SLC30A9: variants seen among roughly 807,000 people sequenced by gnomAD.
SLC30A9 encodes the protein solute carrier family 30 member 9.
Under a neutral mutation model 87.5 loss-of-function variants are expected in SLC30A9, and 58 were observed. The ratio of observed to expected loss-of-function variants is 0.66; its 90% confidence interval spans 0.54 to 0.82. The LOEUF (loss-of-function observed/expected upper bound fraction) is 0.82, where lower values mean the gene tolerates loss of function less well. Among genes scored for constraint, SLC30A9 ranks in the 40% least tolerant of loss-of-function variants. The pLI is 0.00. For missense variants in SLC30A9, 557 were observed against 679.1 expected (o/e 0.82, Z 2.00); for synonymous variants, 234 against 233.0 (o/e 1.00, Z -0.04).
chr4:42,003,695 A>G (rs773800109), intron 2 of SLC30A9, among the ~76,000 whole-genome samples: 1 of 152,148 alleles, frequency 6.6e-6, no homozygotes, highest in Non-Finnish European at 1.5e-5. Context: ...AATCACTGAT[A>G]TAGTTAAACA....
chr4:42,026,935 C>G (rs1716217461), intron 6 of SLC30A9, among the ~76,000 whole-genome samples: 1 of 152,022 alleles, frequency 6.6e-6, no homozygotes, highest in South Asian at 2.1e-4. Context: ...TCTAAATTTA[C>G]CTATTAATTC....
At chr4:42,004,812 C>A (rs76928224) in intron 2 of SLC30A9, among the ~76,000 whole-genome samples, 1 of 151,588 alleles carries the variant, frequency 6.6e-6, no homozygotes, top group African/African-American at 2.4e-5. Context: ...CTGCCACGCC[C>A]AGCTAATTTA....
chr4:42,013,976 T>A (rs137994371), intron 2 of SLC30A9, among the ~76,000 whole-genome samples: 25 of 152,270 alleles, frequency 1.6e-4, no homozygotes, highest in African/African-American at 5.3e-4. Flanking sequence ...TGGGAGAAAG[T>A]ATTTGCAAAC....
chr4:42,035,195 C>A (rs1716626886), intron 6 of SLC30A9, 80 bp from the exon 7 acceptor site: 1 of 1,406,796 alleles, frequency 7.1e-7, no homozygotes, highest in South Asian at 1.2e-5. Flanking sequence ...TTAACATAGT[C>A]CTGAAGAGAA....
At chr4:42,082,074 G>A (rs964666000) in intron 17 of SLC30A9, among the ~76,000 whole-genome samples, 1 of 151,906 alleles carries the variant, frequency 6.6e-6, no homozygotes, top group Non-Finnish European at 1.5e-5. Flanking sequence ...AATATTAGCC[G>A]GGCGTGGTGG....
chr4:42,018,315 G>T (rs1715804952), intron 3 of SLC30A9, 145 bp downstream of exon 3: 16 of 798,928 alleles, frequency 2.0e-5, no homozygotes, highest in Non-Finnish European at 2.5e-5. Flanking sequence ...TGACCATAAG[G>T]ATTTATTCTC....
intron 2 of SLC30A9, among the ~76,000 whole-genome samples, chr4:42,012,304 G>A (rs888566376): frequency 6.6e-6 from 1 of 152,170 alleles, no homozygotes; most frequent in African/African-American, 2.4e-5. Context: ...AGAAAGCAAA[G>A]ATGGGGGAGT....
chr4:42,022,870 G>A lies in SLC30A9; in HGVS notation c.467G>A (p.Arg156Gln). 5 of 1,600,942 alleles carry A rather than the reference G, an allele frequency of 3.1e-6. No homozygotes were observed. The highest frequency in any genetic ancestry group is 4.3e-6 in the Non-Finnish European group (5 of 1,172,114). ...GAACAACTTCGAAAAATCAGACGAC[G>A]AAGTCCCCATGAAGATACTGAGTCT... The part of the protein sequence containing the change: ...DLEQLRKIRR[R>Q]SPHEDTESFT... Residue 156 changes from arginine to glutamine, a missense_variant, in exon 5 of 18, where the codon CGA becomes CAA. Coordinates refer to ENST00000264451, the MANE Select transcript of SLC30A9 (RefSeq NM_006345.4).
intron 8 of SLC30A9, among the ~76,000 whole-genome samples, chr4:42,041,828 G>A (rs926428918): frequency 6.6e-6 from 1 of 152,200 alleles, no homozygotes; most frequent in African/African-American, 2.4e-5. Context: ...TGCAGAAGGT[G>A]GATAACTTCT....
chr4:42,029,603 C>G (rs1436976880), intron 6 of SLC30A9: 1 of 704,606 alleles, frequency 1.4e-6, no homozygotes, highest in Non-Finnish European at 2.6e-6. Flanking sequence ...GACAATGTGC[C>G]CAGTGAACCC....
rs1714387373 is a variant in SLC30A9, at chr4:41,990,675, C to G, written c.24C>G (p.Ala8=). Residue 8 remains alanine, a synonymous_variant, in exon 1 of 18, where the codon GCC becomes GCG. Transcript: ENST00000264451. MLPGLAA[A]AAHRCSWSSL... is the part of the protein sequence containing the mutation. ...GGATGTTACCCGGCTTGGCCGCCGC[C>G]GCGGCCCACAGATGTAGCTGGTCCT... 3 of 1,607,816 alleles carry G rather than the reference C, an allele frequency of 1.9e-6. No homozygotes were observed. The highest frequency in any genetic ancestry group is 2.6e-6 in the Non-Finnish European group (3 of 1,176,270).
intron 10 of SLC30A9, among the ~76,000 whole-genome samples, chr4:42,060,783 C>CAA (rs1177673847): frequency 6.6e-6 from 1 of 151,974 alleles, no homozygotes; most frequent in Non-Finnish European, 1.5e-5. Flanking sequence ...TTAACATAAC[C>CAA]ATCTAACACT....
rs755351748 is a variant in SLC30A9, at chr4:42,086,201, C to G, written c.*75C>G. ...CGTCCACTCTACAAAGTTTCCTCCT[C>G]TCCTACACTGAAAGACTCAGTGCCA... On this transcript the variant is annotated 3_prime_UTR_variant, in exon 18 of 18. Transcript: ENST00000264451. The G allele has an allele frequency of 1.8e-5, 16 of 878,908 alleles. No homozygotes were observed. Among genetic ancestry groups the G allele is most frequent in the Non-Finnish European group, 2.5e-5 (14 of 566,800 alleles). 54.4% of individuals were successfully genotyped at this position (878,908 alleles called of 1,614,324 possible).
Position 41,990,698 on chromosome 4 carries a change from C to A in SLC30A9, c.47C>A (p.Ser16Tyr). 1.2e-6 allele frequency: 2 copies of A among 1,612,204 alleles called. No homozygotes were observed. Among genetic ancestry groups the A allele is most frequent in the Non-Finnish European group, 1.7e-6 (2 of 1,179,306 alleles). ...GCCGCGGCCCACAGATGTAGCTGGT[C>A]CTCCCTGTGCCGGCTCCGTCTGCGA... Reference protein sequence around the residue: ...AAAAAHRCSWSSLCRLRLRCR... With the variant: ...AAAAAHRCSWYSLCRLRLRCR... Residue 16 changes from serine to tyrosine, a missense_variant, in exon 1 of 18, where the codon TCC becomes TAC. Physicochemically the swap from Ser to Tyr is moderately radical, Grantham distance 144. Coordinates refer to ENST00000264451, the MANE Select transcript of SLC30A9 (RefSeq NM_006345.4).
chr4:42,058,316 A>G (rs971349592), intron 9 of SLC30A9, among the ~76,000 whole-genome samples: 1 of 152,070 alleles, frequency 6.6e-6, no homozygotes, highest in Non-Finnish European at 1.5e-5. Context: ...CAAGTTCCTC[A>G]TTTCCATCTG....
Position 42,088,128 on chromosome 4 carries a change from G to T in SLC30A9, c.*2002G>T, listed in dbSNP as rs1718985693. 1.3e-5 allele frequency: 2 copies of T among 151,790 alleles called. No individual in the cohort carries two copies. Among genetic ancestry groups the T allele is most frequent in the Admixed American group, 6.6e-5 (1 of 15,238 alleles). The allele number at this position is 151,790 out of a possible 1,614,324, so 9.4% of individuals were successfully genotyped here. A position where few individuals can be genotyped will look rare whatever the true frequency, so the allele number is the denominator to read the frequency against. ...TTGCCATCTTTTCTAATTCTGTTTT[G>T]CACTGATAAACTTACATAAAGTTTG... On this transcript the variant is annotated 3_prime_UTR_variant, in exon 18 of 18. Transcript: ENST00000264451.
At chr4:42,024,228 A>G (rs1254013275) in intron 6 of SLC30A9, among the ~76,000 whole-genome samples, 3 of 152,178 alleles carry the variant, frequency 2.0e-5, no homozygotes, top group South Asian at 2.1e-4. Flanking sequence ...GCACATGTCT[A>G]TAGTCCCAGC....
chr4:42,070,645 C>T lies in SLC30A9; in HGVS notation c.1372C>T (p.Gln458Ter), dbSNP rs776928382. The change falls in exon 15 of 18, where the codon CAA becomes TAA. Residue 458 changes from glutamine to a stop codon, truncating the protein, a stop_gained. Coordinates refer to ENST00000264451, the MANE Select transcript of SLC30A9 (RefSeq NM_006345.4). LOFTEE classifies it high-confidence loss of function. ...CTTAGGGCGGTCCATCCAGCCAGAACAAGTACAACGGCTCACTGAACTCCT... is the reference window on the plus strand; with the variant it reads ...CTTAGGGCGGTCCATCCAGCCAGAATAAGTACAACGGCTCACTGAACTCCT... Reference protein sequence around the residue: ...ALLGRSIQPEQVQRLTELLEN... With the variant: ...ALLGRSIQPE 1.2e-6 allele frequency: 2 copies of T among 1,614,024 alleles called. No individual in the cohort carries two copies. The highest frequency in any genetic ancestry group is 1.7e-6 in the Non-Finnish European group (2 of 1,179,926).
Position 42,086,538 on chromosome 4 carries a change from T to C in SLC30A9, c.*412T>C, listed in dbSNP as rs952510739. On this transcript the variant is annotated 3_prime_UTR_variant, in exon 18 of 18. Transcript: ENST00000264451. ...CTCTGAAGATTTCACTCCATCAAGA[T>C]CTGCCAATCTTCAATATTCTGGCTA... is the stretch of plus-strand genomic sequence containing the variant. 1.9e-5 allele frequency: 3 copies of C among 155,272 alleles called. No individual in the cohort carries two copies. Among genetic ancestry groups the C allele is most frequent in the African/African-American group, 7.2e-5 (3 of 41,712 alleles). The allele number at this position is 155,272 out of a possible 1,614,324, so 9.6% of individuals were successfully genotyped here.
Sources: gnomAD v4.1 joint callset for allele counts (sites outside exome capture counted in the v4.1 genomes callset) on GRCh38, gnomAD v4.1.1 for gene constraint, MANE v1.5 for transcripts, NCBI Gene and HGNC (gene_info 2026-07-23, HGNC 2026-07-21) for gene names.